The following UTP18 variants were observed in gnomAD, a reference collection of about 807,000 sequenced individuals.
UTP18 encodes UTP18 small subunit processome component.
Under a neutral mutation model 61.1 loss-of-function variants are expected in UTP18, and 36 were observed. The observed-to-expected ratio is 0.59, with a 90% CI of 0.45 to 0.78. UTP18 has a LOEUF of 0.78. UTP18 is among the 30% of genes least tolerant of loss of function. The pLI, the probability that UTP18 is intolerant of heterozygous loss-of-function variation, is 0.00. For missense variants in UTP18, 753 were observed against 693.9 expected, an observed-to-expected ratio of 1.09 and a Z score of -0.96; for synonymous variants, 282 against 251.1, an observed-to-expected ratio of 1.12 and a Z score of -1.16.
intron 11 of UTP18, among the ~76,000 whole-genome samples, chr17:51,293,501 TG>T (rs1436723296): frequency 0.055 from 4,722 of 85,984 alleles, 160 homozygotes; most frequent in African/African-American, 0.13. Context: ...CATGAGTTGT[TG>T]TTTTTTTTTT....
chr17:51,289,750 T>TG (rs902766305), intron 11 of UTP18, among the ~76,000 whole-genome samples: 1 of 152,208 alleles, frequency 6.6e-6, no homozygotes, highest in Admixed American at 6.5e-5. Context: ...CTTTACAAAG[T>TG]GTGTTATTTT....
chr17:51,273,739 T>TAAATAAATAAATA (rs71355749), intron 5 of UTP18, among the ~76,000 whole-genome samples: 27 of 141,082 alleles, frequency 1.9e-4, no homozygotes, highest in African/African-American at 6.2e-4. Context: ...GTCTCTAAAA[T>TAAATAAATAAATA]AATAAATAAA....
chr17:51,267,461 G>T (rs200068073), intron 3 of UTP18, among the ~76,000 whole-genome samples: 13 of 141,646 alleles, frequency 9.2e-5, no homozygotes, highest in Non-Finnish European at 1.5e-4. Flanking sequence ...TTTTTTTTTG[G>T]TTTTTTTTTT....
At chr17:51,269,589 C>A (rs1447819130) in intron 4 of UTP18, among the ~76,000 whole-genome samples, 1 of 152,062 alleles carries the variant, frequency 6.6e-6, no homozygotes, top group Non-Finnish European at 1.5e-5. Flanking sequence ...ATTATGACCA[C>A]CTCCTTTGTC....
intron 11 of UTP18, among the ~76,000 whole-genome samples, chr17:51,289,457 T>C (rs1238100333): frequency 6.6e-6 from 1 of 151,216 alleles, no homozygotes; most frequent in Non-Finnish European, 1.5e-5. Flanking sequence ...TCCACCTGCC[T>C]CGGGCTCCCA....
intron 1 of UTP18, among the ~76,000 whole-genome samples, chr17:51,262,958 CATT>C (rs2055522338): frequency 1.3e-5 from 2 of 152,240 alleles, no homozygotes; most frequent in Non-Finnish European, 1.5e-5. Context: ...GTAGTTCTGA[CATT>C]TCTCCTCCTT....
chr17:51,278,415 C>T (rs1480874250), intron 7 of UTP18, among the ~76,000 whole-genome samples: 2 of 152,202 alleles, frequency 1.3e-5, no homozygotes, highest in African/African-American at 4.8e-5. Flanking sequence ...TGTCATTTCA[C>T]TATTCAAAAG....
chr17:51,273,516 A>G, intron 5 of UTP18, 66 bp downstream of exon 5: 3 of 1,182,400 alleles, frequency 2.5e-6, no homozygotes, highest in South Asian at 1.4e-5. Context: ...TTTGCTTCCC[A>G]GTAGCAGATG....
intron 7 of UTP18, among the ~76,000 whole-genome samples, chr17:51,279,135 T>G (rs1299652887): frequency 6.6e-6 from 1 of 152,228 alleles, no homozygotes; most frequent in Non-Finnish European, 1.5e-5. Context: ...GGCAATATAT[T>G]CACACGGTGT....
At chr17:51,273,087 T>C (rs1050531113) in intron 4 of UTP18, among the ~76,000 whole-genome samples, 1 of 152,252 alleles carries the variant, frequency 6.6e-6, no homozygotes, top group Non-Finnish European at 1.5e-5. Context: ...CTTGTTTTAG[T>C]AACCATCTGT....
At position 51,294,196 on chromosome 17, in the gene UTP18, A is replaced by G. The variant is rs1277928024; in HGVS notation, c.1646+151A>G. 3 of 563,646 alleles carry G rather than the reference A, an allele frequency of 5.3e-6. No homozygotes were observed. The African/African-American group carries it at 5.9e-5, about 11-fold the overall frequency. 34.9% of individuals were successfully genotyped at this position (563,646 alleles called of 1,614,324 possible). ...TCATTATCTTACTTTGGGTTATTTTATTTTATTTTATTATTATTATACTTT... is the reference window on the plus strand; with the variant it reads ...TCATTATCTTACTTTGGGTTATTTTGTTTTATTTTATTATTATTATACTTT... On this transcript the variant is annotated intron_variant, in intron 12 of 13. Coordinates refer to ENST00000225298, the MANE Select transcript of UTP18 (RefSeq NM_016001.3).
rs945719145 is a variant in UTP18, at chr17:51,283,012, G to A, written c.1205-2233G>A. Among the ~76,000 whole-genome samples the A allele has an allele frequency of 2.5e-4, 38 of 151,640 alleles. 2 individuals carry two copies. Among genetic ancestry groups the A allele is most frequent in the Non-Finnish European group, 4.4e-5 (3 of 67,928 alleles). ...GCCTCCTGAGTAGCTGGAATTACAG[G>A]CGCATACCGCCATACCCAGCTAATT... On this transcript the variant is annotated intron_variant, in intron 9 of 13. Coordinates refer to ENST00000225298, the MANE Select transcript of UTP18 (RefSeq NM_016001.3).
rs77139591 is a variant in UTP18 at position 51,272,598 on chromosome 17, C to T, written c.623-764C>T. ...AGGATGATGGTTTATATGTTTACTTCTAGGTAGGTAGCTTGGCAGAGGACA... is the reference window on the plus strand; with the variant it reads ...AGGATGATGGTTTATATGTTTACTTTTAGGTAGGTAGCTTGGCAGAGGACA... On this transcript the variant is annotated intron_variant, in intron 4 of 13. Coordinates refer to ENST00000225298, the MANE Select transcript of UTP18 (RefSeq NM_016001.3). Among the ~76,000 whole-genome samples, 177 of 152,156 alleles carry T rather than the reference C, an allele frequency of 1.2e-3. 1 individual carries two copies. The highest frequency in any genetic ancestry group is 1.4e-3 in the Non-Finnish European group (93 of 68,012).
intron 11 of UTP18, among the ~76,000 whole-genome samples, chr17:51,293,158 A>G (rs886314718): frequency 2.6e-5 from 4 of 152,244 alleles, no homozygotes; most frequent in African/African-American, 9.6e-5. Context: ...TCATTAAGCT[A>G]GAGTGGGTAC....
chr17:51,271,887 C>T (rs1198591970), intron 4 of UTP18, among the ~76,000 whole-genome samples: 4 of 151,976 alleles, frequency 2.6e-5, no homozygotes, highest in Non-Finnish European at 2.9e-5. Context: ...AGGCTGGTCT[C>T]GAACTCCTGA....
chr17:51,283,102 C>A (rs549831953), intron 9 of UTP18, among the ~76,000 whole-genome samples: 1 of 151,598 alleles, frequency 6.6e-6, no homozygotes, highest in African/African-American at 2.4e-5. Context: ...CTCCTGAGCT[C>A]AGGCAACCCA....
Position 51,287,083 on chromosome 17 carries a change from C to T in UTP18, c.1329-946C>T, listed in dbSNP as rs538156038. Among the ~76,000 whole-genome samples, 6 of 149,526 alleles carry T rather than the reference C, an allele frequency of 4.0e-5. No homozygotes were observed. In the East Asian group the frequency reaches 6.0e-4, roughly 15 times the overall value. ...CCTCTATATGGGGCAAGAAAAACTG[C>T]GCAGAAATGATCTTCACTCAGATTT... On this transcript the variant is annotated intron_variant, in intron 10 of 13. Transcript: ENST00000225298.
chr17:51,274,110 C>G (rs1198536909), intron 5 of UTP18, among the ~76,000 whole-genome samples: 1 of 152,188 alleles, frequency 6.6e-6, no homozygotes, highest in African/African-American at 2.4e-5. Context: ...TCACACAAGC[C>G]TTTTTCTGTT....
chr17:51,260,952 T>C, intron 1 of UTP18, 26 bp downstream of exon 1: 1 of 1,489,244 alleles, frequency 6.7e-7, no homozygotes, highest in East Asian at 2.9e-5. Context: ...GCGCGCGGGC[T>C]GGGCGCACTC....
Sources: gnomAD v4.1 joint callset for allele counts (sites outside exome capture counted in the v4.1 genomes callset) on GRCh38, gnomAD v4.1.1 for gene constraint, MANE v1.5 for transcripts, NCBI Gene and HGNC (gene_info 2026-07-23, HGNC 2026-07-21) for gene names.